The following PTPRG variants were observed in gnomAD, a reference collection of about 807,000 sequenced individuals.
PTPRG encodes receptor-type tyrosine-protein phosphatase gamma.
Under a neutral mutation model 165.3 loss-of-function variants are expected in PTPRG, and 102 were observed. The observed-to-expected ratio is 0.62, with a 90% confidence interval of 0.53 to 0.73. PTPRG has a LOEUF of 0.73. Ranked by LOEUF, PTPRG falls within the 30% of genes least tolerant of loss-of-function variation. The pLI is 0.00. For missense variants in PTPRG, 1,866 were observed against 1,861.4 expected (o/e 1.00, Z -0.05); for synonymous variants, 675 against 669.5 (o/e 1.01, Z -0.13).
At chr3:62,158,333 A>C (rs1174841773) in intron 7 of PTPRG, among the ~76,000 whole-genome samples, 1 of 152,212 alleles carries the variant, frequency 6.6e-6, no homozygotes, top group Non-Finnish European at 1.5e-5. Context: ...CCAAAAATAG[A>C]GCCAGGAACG....
chr3:62,271,553 C>T lies in PTPRG; in HGVS notation c.3180C>T (p.Cys1060=), dbSNP rs752698918. ...AAACGGGCCCTGTGTTGGTGCACTGCAGGTAGGGTCTAGGATTCAACATGT... is the reference window on the plus strand; with the variant it reads ...AAACGGGCCCTGTGTTGGTGCACTGTAGGTAGGGTCTAGGATTCAACATGT... ...MPETGPVLVH[C]SAGVGRTGTY... is the part of the protein sequence containing the mutation. Residue 1060 remains cysteine, a splice_region_variant and synonymous_variant, in exon 21 of 30, where the codon TGC becomes TGT. Transcript: ENST00000474889. This position sits in a 1 kb window ranked among gnomAD's most constrained non-coding sequence, Gnocchi z 4.1. 2 of 1,612,074 alleles carry T rather than the reference C, an allele frequency of 1.2e-6. No homozygotes were observed. Among genetic ancestry groups the T allele is most frequent in the East Asian group, 2.2e-5 (1 of 44,848 alleles).
chr3:61,944,143 A>G (rs1032974346), intron 2 of PTPRG, among the ~76,000 whole-genome samples: 11 of 151,984 alleles, frequency 7.2e-5, no homozygotes, highest in Non-Finnish European at 1.2e-4. Context: ...GTGCCTTTTA[A>G]GGGAGTTCTG....
intron 8 of PTPRG, among the ~76,000 whole-genome samples, chr3:62,185,383 A>G (rs906957771): frequency 6.6e-6 from 1 of 152,336 alleles, no homozygotes; most frequent in Admixed American, 6.5e-5. Context: ...CAAGAGGTCT[A>G]TCAGACTTCC....
intron 9 of PTPRG, among the ~76,000 whole-genome samples, chr3:62,193,773 G>A (rs1251010199): frequency 2.0e-5 from 3 of 152,222 alleles, no homozygotes; most frequent in Non-Finnish European, 2.9e-5. Context: ...CCAGTTCAGA[G>A]GTTTTCAATA....
chr3:61,719,433 G>A (rs1263836632), intron 1 of PTPRG, among the ~76,000 whole-genome samples: 1 of 152,172 alleles, frequency 6.6e-6, no homozygotes, highest in South Asian at 2.1e-4. Context: ...CTCAGGGGAT[G>A]TGCCCCTCCT....
chr3:62,044,554 A>G (rs928708013), intron 4 of PTPRG, among the ~76,000 whole-genome samples: 2 of 152,178 alleles, frequency 1.3e-5, no homozygotes, highest in African/African-American at 4.8e-5. Context: ...AAAAAGGAAA[A>G]AAAATGGCTA....
At chr3:62,285,635 A>T (rs1028519492) in intron 28 of PTPRG, among the ~76,000 whole-genome samples, 1 of 152,102 alleles carries the variant, frequency 6.6e-6, no homozygotes, top group African/African-American at 2.4e-5. Context: ...GGACAGGCAC[A>T]GCTTAAAGAC....
intron 2 of PTPRG, among the ~76,000 whole-genome samples, chr3:61,836,057 C>T (rs1448555061): frequency 2.1e-5 from 2 of 93,902 alleles, no homozygotes; most frequent in African/African-American, 3.7e-5. Flanking sequence ...CGCGCCCCCC[C>T]CCACCAAAAA....
chr3:61,695,030 G>A lies in PTPRG; in HGVS notation c.86-53848G>A, dbSNP rs147032654. ...TTTTTCTTTTTCTTTTTTTTTTTGA[G>A]ACAGAGTTTTGCTCTTGTCATCCAG... is the stretch of plus-strand genomic sequence containing the variant. On this transcript the variant is annotated intron_variant, in intron 1 of 29. Transcript: ENST00000474889. Among the ~76,000 whole-genome samples, 760 of 150,302 alleles carry A rather than the reference G, an allele frequency of 5.1e-3. 8 individuals carry two copies. Among genetic ancestry groups the A allele is most frequent in the African/African-American group, 0.017 (712 of 40,758 alleles).
intron 2 of PTPRG, among the ~76,000 whole-genome samples, chr3:61,860,922 A>C (rs1386104840): frequency 6.6e-6 from 1 of 152,118 alleles, no homozygotes; most frequent in East Asian, 1.9e-4. Flanking sequence ...GAATAAGTCC[A>C]GCACCACAGG....
chr3:61,594,795 C>A (rs577217088), intron 1 of PTPRG, among the ~76,000 whole-genome samples: 1 of 152,282 alleles, frequency 6.6e-6, no homozygotes, highest in South Asian at 2.1e-4. Flanking sequence ...GCTTTCAAGC[C>A]TGACTCTTAT....
chr3:62,176,244 A>G (rs146835788), intron 8 of PTPRG, among the ~76,000 whole-genome samples: 1 of 152,096 alleles, frequency 6.6e-6, no homozygotes, highest in Non-Finnish European at 1.5e-5. Context: ...AGATTTACTA[A>G]CAGTTTGGAT....
chr3:61,774,486 G>A (rs2034308646), intron 2 of PTPRG, among the ~76,000 whole-genome samples: 1 of 152,150 alleles, frequency 6.6e-6, no homozygotes, highest in African/African-American at 2.4e-5. Flanking sequence ...TACAAATGCA[G>A]TGAGATCAAT....
intron 1 of PTPRG, among the ~76,000 whole-genome samples, chr3:61,612,956 C>G (rs148532263): frequency 5.9e-5 from 9 of 152,156 alleles, no homozygotes; most frequent in African/African-American, 2.2e-4. Context: ...GACAGGTCAG[C>G]TTGTCTCAAT....
At chr3:61,588,674 G>A (rs1451041003) in intron 1 of PTPRG, among the ~76,000 whole-genome samples, 2 of 152,194 alleles carry the variant, frequency 1.3e-5, no homozygotes, top group Non-Finnish European at 2.9e-5. Context: ...TCAGACTCCT[G>A]AGCGCAGATA....
At chr3:61,945,909 A>T (rs1057095910) in intron 2 of PTPRG, among the ~76,000 whole-genome samples, 1 of 152,236 alleles carries the variant, frequency 6.6e-6, no homozygotes, top group Non-Finnish European at 1.5e-5. Context: ...AGAGACGTGA[A>T]GTGGCTTGCC....
At chr3:61,901,664 A>G (rs2038502234) in intron 2 of PTPRG, among the ~76,000 whole-genome samples, 1 of 152,174 alleles carries the variant, frequency 6.6e-6, no homozygotes. Flanking sequence ...AGCATCCCAG[A>G]TTCTTCAATC....
chr3:61,573,305 T>C (rs1319067578), intron 1 of PTPRG, among the ~76,000 whole-genome samples: 2 of 152,328 alleles, frequency 1.3e-5, no homozygotes, highest in South Asian at 4.1e-4. Flanking sequence ...AGGATCTGAG[T>C]ACATTAATAT....
rs184421361 is a variant in PTPRG, at chr3:61,569,845, A to G, written c.85+7473A>G. On this transcript the variant is annotated intron_variant, in intron 1 of 29. Coordinates refer to ENST00000474889, the MANE Select transcript of PTPRG (RefSeq NM_002841.4). ...AGGTTACATTTTGAGGTTTAAATAA[A>G]TGAGAAAGTCCTCATGAAGTCTGAG... 3.7e-3 allele frequency among the ~76,000 whole-genome samples: 560 copies of G among 152,354 alleles called. 2 individuals are homozygous for G. Among genetic ancestry groups the G allele is most frequent in the African/African-American group, 0.013 (540 of 41,586 alleles).
Sources: allele counts gnomAD v4.1 joint callset (sites outside exome capture counted in the v4.1 genomes callset), GRCh38; gene constraint gnomAD v4.1.1; non-coding constraint Gnocchi (gnomAD v3.1); transcripts MANE v1.5; gene names NCBI Gene and HGNC (gene_info 2026-07-23, HGNC 2026-07-21).